The following RGS9 variants were observed in gnomAD, a reference collection of about 807,000 sequenced individuals.
The protein encoded by RGS9 is regulator of G protein signaling 9.
A neutral mutation model predicts 102.0 loss-of-function variants in RGS9; 78 were observed. The observed-to-expected ratio is 0.76, with a 90% CI of 0.64 to 0.92. The LOEUF (loss-of-function observed/expected upper bound fraction) is 0.92, where lower values mean the gene tolerates loss of function less well. Ranked by LOEUF, RGS9 falls within the 40% of genes least tolerant of loss-of-function variation. The pLI is 0.00. For synonymous variants in RGS9, 353 were observed against 318.6 expected (o/e 1.11, Z -1.15); for missense variants, 833 against 866.1 (o/e 0.96, Z 0.48).
chr17:65,191,704 G>T (rs369634897), intron 11 of RGS9, among the ~76,000 whole-genome samples: 8 of 152,176 alleles, frequency 5.3e-5, no homozygotes, highest in African/African-American at 1.9e-4. Flanking sequence ...CTGAGATAGC[G>T]CCACTGCACT....
intron 1 of RGS9, among the ~76,000 whole-genome samples, chr17:65,152,421 TG>T (rs1910613459): frequency 6.6e-6 from 1 of 152,128 alleles, no homozygotes; most frequent in Non-Finnish European, 1.5e-5. Context: ...GTCCTTGCAG[TG>T]GAACAGCCAC....
chr17:65,148,149 T>C (rs1355545222), intron 1 of RGS9, among the ~76,000 whole-genome samples: 1 of 152,234 alleles, frequency 6.6e-6, no homozygotes. Flanking sequence ...AGGTACTTCA[T>C]GTAAGTGGAA....
chr17:65,187,552 C>A (rs1249601040), intron 9 of RGS9, among the ~76,000 whole-genome samples: 2 of 152,156 alleles, frequency 1.3e-5, no homozygotes, highest in Non-Finnish European at 2.9e-5. Flanking sequence ...ACTGGACTCT[C>A]CTTTACTCCT....
chr17:65,139,041 T>TTCCTTCCTCCA (rs1910033832), intron 1 of RGS9, among the ~76,000 whole-genome samples: 2 of 119,710 alleles, frequency 1.7e-5, no homozygotes, highest in African/African-American at 7.3e-5. Context: ...CACCTTAGTC[T>TTCCTTCCTCCA]CCCTTCCTCC....
chr17:65,147,414 C>A (rs924169884), intron 1 of RGS9, among the ~76,000 whole-genome samples: 1 of 151,964 alleles, frequency 6.6e-6, no homozygotes, highest in Non-Finnish European at 1.5e-5. Context: ...TAGGGAATCT[C>A]ACCCCTCAGC....
At chr17:65,151,617 G>T (rs952091087) in intron 1 of RGS9, among the ~76,000 whole-genome samples, 1 of 152,140 alleles carries the variant, frequency 6.6e-6, no homozygotes, top group Non-Finnish European at 1.5e-5. Flanking sequence ...CAGACATTGT[G>T]GGAATCTCAG....
chr17:65,215,064 C>T (rs920377609), intron 17 of RGS9, among the ~76,000 whole-genome samples: 1 of 152,202 alleles, frequency 6.6e-6, no homozygotes, highest in Non-Finnish European at 1.5e-5. Flanking sequence ...GGGCTAGACA[C>T]AGCATGGGCT....
At chr17:65,172,920 T>C (rs1383972353) in intron 8 of RGS9, among the ~76,000 whole-genome samples, 1 of 150,528 alleles carries the variant, frequency 6.6e-6, no homozygotes, top group Non-Finnish European at 1.5e-5. Context: ...TTTTCTTTCT[T>C]TCTTTCTTTC....
rs370780859 is a variant in RGS9 at position 65,153,496 on chromosome 17, C to G, written c.132C>G (p.Thr44=). 55 of 1,613,976 alleles carry G rather than the reference C, an allele frequency of 3.4e-5. No individual in the cohort carries two copies. The African/African-American group carries it at 6.7e-4, about 20-fold the overall frequency. ...VRMQNQRVLV[T]SVPHAMTGSD... Reference sequence around the variant, plus strand: ...TGCAGAACCAGAGGGTCCTGGTCACCAGCGTTCCTCATGCCATGACAGGTG... The same window carrying G: ...TGCAGAACCAGAGGGTCCTGGTCACGAGCGTTCCTCATGCCATGACAGGTG... The change falls in exon 2 of 19, where the codon ACC becomes ACG. Residue 44 remains threonine, a synonymous_variant. Transcript: ENST00000262406.
rs1912954285 is a variant in RGS9 at position 65,204,088 on chromosome 17, C to T, written c.1065-75C>T. 5 of 1,574,374 alleles carry T rather than the reference C, an allele frequency of 3.2e-6. No individual in the cohort carries two copies. In the African/African-American group the frequency reaches 4.0e-5, roughly 13 times the overall value. On this transcript the variant is annotated intron_variant, in intron 14 of 18. Coordinates refer to ENST00000262406, the MANE Select transcript of RGS9 (RefSeq NM_003835.4). ...GTAACCGATTCGTATCAGTCCTTCC[C>T]TCCCAAGCAGCTGTGAGCTATCCAT...
chr17:65,193,270 A>AT (rs397961597), intron 11 of RGS9, among the ~76,000 whole-genome samples: 1 of 148,412 alleles, frequency 6.7e-6, no homozygotes, highest in Non-Finnish European at 1.5e-5. Flanking sequence ...AAAAAAAAAA[A>AT]GAAAAAAAAG....
rs1443992078 is a variant in RGS9, at chr17:65,215,477, TATCTTTCTTTCGTTCTTTCG to T, written c.1407+4873_1407+4892del. Among the ~76,000 whole-genome samples the T allele has an allele frequency of 4.0e-3, 509 of 126,774 alleles. 5 individuals carry two copies. Among genetic ancestry groups the T allele is most frequent in the Middle Eastern group, 0.012 (3 of 254 alleles). The allele number at this position is 126,774 out of a possible 152,430, so 83.2% of individuals were successfully genotyped here. A position where few individuals can be genotyped will look rare whatever the true frequency, so the allele number is the denominator to read the frequency against. On this transcript the variant is annotated intron_variant, in intron 17 of 18. Transcript: ENST00000262406. ...GTTTCTCTTTCTTTCTTTCTTTCTC[TATCTTTCTTTCGTTCTTTCG>T]TTCTTTCTTTCTTTCTTTCTTTCTT...
intron 11 of RGS9, among the ~76,000 whole-genome samples, chr17:65,193,139 T>C (rs1466186031): frequency 6.8e-6 from 1 of 146,252 alleles, no homozygotes; most frequent in Non-Finnish European, 1.5e-5. Context: ...GGCCTGGTGG[T>C]GCGCGTCTGT....
chr17:65,138,936 C>T (rs1910015871), intron 1 of RGS9, among the ~76,000 whole-genome samples: 2 of 149,132 alleles, frequency 1.3e-5, no homozygotes, highest in Non-Finnish European at 3.0e-5. Context: ...TCCTCCACCC[C>T]AGGCTTCCCT....
At chr17:65,174,206 C>G (rs746295429) in intron 8 of RGS9, among the ~76,000 whole-genome samples, 10 of 152,164 alleles carry the variant, frequency 6.6e-5, no homozygotes, top group Non-Finnish European at 1.2e-4. Flanking sequence ...CTGGGGCAAC[C>G]AAATTTATAT....
chr17:65,177,475 C>T (rs1396192199), intron 8 of RGS9, among the ~76,000 whole-genome samples: 4 of 152,156 alleles, frequency 2.6e-5, no homozygotes, highest in African/African-American at 4.8e-5. Flanking sequence ...CACCCACCCA[C>T]GCATCTACCC....
chr17:65,213,448 T>G (rs1913378073), intron 17 of RGS9, among the ~76,000 whole-genome samples: 1 of 152,142 alleles, frequency 6.6e-6, no homozygotes, highest in Non-Finnish European at 1.5e-5. Context: ...GAATATTTGC[T>G]GTCCCTTTTG....
At chr17:65,147,857 C>T (rs1910429933) in intron 1 of RGS9, among the ~76,000 whole-genome samples, 1 of 152,058 alleles carries the variant, frequency 6.6e-6, no homozygotes, top group South Asian at 2.1e-4. Context: ...TCCCAAAGTG[C>T]AGGGATTACA....
At chr17:65,221,277 AG>A (rs995958304) in intron 17 of RGS9, among the ~76,000 whole-genome samples, 3 of 151,924 alleles carry the variant, frequency 2.0e-5, no homozygotes, top group Admixed American at 6.6e-5. Context: ...GAGTTGGGGG[AG>A]GGCATATAGA....
Sources: allele counts gnomAD v4.1 joint callset (sites outside exome capture counted in the v4.1 genomes callset), GRCh38; gene constraint gnomAD v4.1.1; transcripts MANE v1.5; gene names NCBI Gene and HGNC (gene_info 2026-07-23, HGNC 2026-07-21).